The following USP48 variants were observed in gnomAD, a reference collection of about 807,000 sequenced individuals.
USP48 encodes ubiquitin carboxyl-terminal hydrolase 48.
Under a neutral mutation model 150.7 loss-of-function variants are expected in USP48, and 43 were observed. The observed-to-expected ratio is 0.29, with a 90% CI of 0.22 to 0.37. USP48 has a LOEUF of 0.37. Ranked by LOEUF, USP48 falls within the 10% of genes least tolerant of loss-of-function variation. The pLI, the probability that USP48 is intolerant of heterozygous loss-of-function variation, is 1.00. For missense variants in USP48, 813 were observed against 1,249.6 expected (o/e 0.65, Z 5.27); for synonymous variants, 396 against 425.9 (o/e 0.93, Z 0.86).
In USP48 at chr1:21,678,903, C is replaced by A; in HGVS notation, c.*514G>T. The A allele has an allele frequency of 5.6e-6, 1 of 179,746 alleles. No individual in the cohort carries two copies. The highest frequency in any genetic ancestry group is 1.1e-5 in the Non-Finnish European group (1 of 87,132). The allele number at this position is 179,746 out of a possible 1,614,324, so 11.1% of individuals were successfully genotyped here. A position where few individuals can be genotyped will look rare whatever the true frequency, so the allele number is the denominator to read the frequency against. ...TGAAGACACTTTTCCACACTTAGGACAAGTTCTTCACTTTCATGCTTTATT... is the reference window on the plus strand; with the variant it reads ...TGAAGACACTTTTCCACACTTAGGAAAAGTTCTTCACTTTCATGCTTTATT... On this transcript the variant is annotated 3_prime_UTR_variant, in exon 27 of 27. Coordinates refer to ENST00000308271, the MANE Select transcript of USP48 (RefSeq NM_032236.8).
At chr1:21,738,821 T>C (rs2097774595) in intron 8 of USP48, among the ~76,000 whole-genome samples, 3 of 152,124 alleles carry the variant, frequency 2.0e-5, no homozygotes, top group South Asian at 4.1e-4. Flanking sequence ...GTTTCAGGCA[T>C]GAAGGATACA....
chr1:21,712,272 T>C (rs969707633), intron 15 of USP48, among the ~76,000 whole-genome samples: 2 of 152,100 alleles, frequency 1.3e-5, no homozygotes, highest in Admixed American at 1.3e-4. Context: ...GGCAGGAGAA[T>C]CACTTAAACC....
At chr1:21,707,136 C>T (rs1030786110) in intron 15 of USP48, among the ~76,000 whole-genome samples, 2 of 151,978 alleles carry the variant, frequency 1.3e-5, no homozygotes, top group Non-Finnish European at 2.9e-5. Flanking sequence ...TAAAAACAAA[C>T]GTACAAAGCT....
chr1:21,722,256 G>C (rs1332809144), intron 12 of USP48, among the ~76,000 whole-genome samples: 1 of 151,994 alleles, frequency 6.6e-6, no homozygotes, highest in Non-Finnish European at 1.5e-5. Context: ...TGTGAATTAA[G>C]AACAGTGGCA....
chr1:21,704,197 C>T lies in USP48; in HGVS notation c.2515+65G>A. Reference sequence around the variant, plus strand: ...TTTAACTTTAAGCAGACAACACTGACACACCCTTTCTTCTTAAAATGTCAG... The same window carrying T: ...TTTAACTTTAAGCAGACAACACTGATACACCCTTTCTTCTTAAAATGTCAG... On this transcript the variant is annotated intron_variant, in intron 20 of 26. Transcript: ENST00000308271. The T allele has an allele frequency of 2.6e-6, 4 of 1,562,088 alleles. No homozygotes were observed. The South Asian group carries it at 4.9e-5, about 19-fold the overall frequency.
chr1:21,749,713 C>T (rs2097804284), intron 6 of USP48, among the ~76,000 whole-genome samples: 1 of 152,170 alleles, frequency 6.6e-6, no homozygotes, highest in African/African-American at 2.4e-5. Context: ...GGCAATTCTC[C>T]AGCCTCAGCC....
chr1:21,694,298 C>T (rs765303779), intron 23 of USP48, among the ~76,000 whole-genome samples: 1 of 151,952 alleles, frequency 6.6e-6, no homozygotes, highest in African/African-American at 2.4e-5. Flanking sequence ...CAAGGCCGGG[C>T]GCGGTGGCTC....
In USP48 at chr1:21,783,011, G is replaced by C; in HGVS notation, c.-54C>G. On this transcript the variant is annotated 5_prime_UTR_variant, in exon 1 of 27. Transcript: ENST00000308271. Reference sequence around the variant, plus strand: ...CCAGACCGCCGCAGCCGCCGCCGCGGTCTGCACCGCCGCCCCAATGGGCTT... The same window carrying C: ...CCAGACCGCCGCAGCCGCCGCCGCGCTCTGCACCGCCGCCCCAATGGGCTT... The C allele has an allele frequency of 2.1e-6, 3 of 1,458,886 alleles. No homozygotes were observed. The highest frequency in any genetic ancestry group is 2.7e-6 in the Non-Finnish European group (3 of 1,115,908). 90.4% of individuals were successfully genotyped at this position (1,458,886 alleles called of 1,614,324 possible).
chr1:21,729,281 C>CAAAAAAAAAAAAA (rs57704127), intron 10 of USP48, among the ~76,000 whole-genome samples: 1 of 90,422 alleles, frequency 1.1e-5, no homozygotes, highest in African/African-American at 3.8e-5. Context: ...GACTCCGCCT[C>CAAAAAAAAAAAAA]AAAAAAAAAA....
chr1:21,780,330 T>C (rs562054765), intron 1 of USP48, among the ~76,000 whole-genome samples: 1 of 152,320 alleles, frequency 6.6e-6, no homozygotes, highest in East Asian at 1.9e-4. Flanking sequence ...ATTCCATTGC[T>C]ATGAAATATT....
chr1:21,706,954 A>T, intron 15 of USP48, 86 bp from the exon 16 acceptor site: 1 of 1,409,300 alleles, frequency 7.1e-7, no homozygotes, highest in Non-Finnish European at 9.6e-7. Context: ...ACTTAAGAAA[A>T]ATCCACAGGT....
chr1:21,708,972 C>T (rs548801091), intron 15 of USP48, among the ~76,000 whole-genome samples: 5 of 151,058 alleles, frequency 3.3e-5, no homozygotes, highest in Middle Eastern at 3.4e-3. Context: ...TACAGTGGCA[C>T]GATCATAGCT....
chr1:21,765,484 G>A (rs1194948366), intron 1 of USP48, among the ~76,000 whole-genome samples: 1 of 152,028 alleles, frequency 6.6e-6, no homozygotes, highest in Non-Finnish European at 1.5e-5. Context: ...AGGCATGGTG[G>A]CACGCGCCTG....
At chr1:21,701,298 G>A (rs1038257290) in intron 22 of USP48, among the ~76,000 whole-genome samples, 200 bp downstream of exon 22, 14 of 150,200 alleles carry the variant, frequency 9.3e-5, no homozygotes, top group South Asian at 2.1e-4. Flanking sequence ...CCCAGGAGGC[G>A]GACATTGTGG....
chr1:21,768,035 G>A (rs1031424707), intron 1 of USP48, among the ~76,000 whole-genome samples: 9 of 151,912 alleles, frequency 5.9e-5, no homozygotes, highest in Non-Finnish European at 8.8e-5. Context: ...GTGAAACCCC[G>A]TCTCTACTAA....
At chr1:21,755,285 G>GC (rs202119389) in intron 3 of USP48, among the ~76,000 whole-genome samples, 4 of 152,082 alleles carry the variant, frequency 2.6e-5, no homozygotes, top group Admixed American at 2.0e-4. Flanking sequence ...TCAAGGCCAG[G>GC]TGCTGTGGCT....
At chr1:21,722,505 C>A (rs181640281) in intron 12 of USP48, among the ~76,000 whole-genome samples, 1 of 150,918 alleles carries the variant, frequency 6.6e-6, no homozygotes, top group South Asian at 2.1e-4. Context: ...CACCACTGTA[C>A]TCCAGCTGGG....
At chr1:21,770,684 A>G (rs920007696) in intron 1 of USP48, among the ~76,000 whole-genome samples, 12 of 151,036 alleles carry the variant, frequency 7.9e-5, no homozygotes, top group African/African-American at 2.9e-4. Flanking sequence ...GTTTCACCAT[A>G]TTGGCCAGAC....
chr1:21,693,420 T>C (rs114712258), intron 23 of USP48, among the ~76,000 whole-genome samples: 2,248 of 152,258 alleles, frequency 0.015, 63 homozygotes, highest in African/African-American at 0.051. Flanking sequence ...AAAGACCTTC[T>C]ACTGCCTTTT....
Sources: gnomAD v4.1 joint callset for allele counts (sites outside exome capture counted in the v4.1 genomes callset) on GRCh38, gnomAD v4.1.1 for gene constraint, MANE v1.5 for transcripts, NCBI Gene and HGNC (gene_info 2026-07-23, HGNC 2026-07-21) for gene names.